TMEM161B: variants seen among roughly 807,000 people sequenced by gnomAD.
TMEM161B encodes transmembrane protein 161B.
A neutral mutation model predicts 61.8 loss-of-function variants in TMEM161B; 34 were observed. That is an observed-to-expected ratio of 0.55 (90% CI 0.42 to 0.73). The LOEUF (loss-of-function observed/expected upper bound fraction) is 0.73, where lower values mean the gene tolerates loss of function less well. Ranked by LOEUF, TMEM161B falls within the 30% of genes least tolerant of loss-of-function variation. TMEM161B has a pLI of 0.00. For synonymous variants in TMEM161B, 167 were observed against 192.8 expected (o/e 0.87, Z 1.11); for missense variants, 456 against 558.5 (o/e 0.82, Z 1.85).
chr5:88,209,599 C>T (rs760164800), intron 5 of TMEM161B, among the ~76,000 whole-genome samples: 1 of 152,150 alleles, frequency 6.6e-6, no homozygotes, highest in Non-Finnish European at 1.5e-5. Flanking sequence ...CAGTCCCACA[C>T]CACAAATGCC....
chr5:88,196,326 A>G lies in TMEM161B; in HGVS notation c.1349T>C (p.Phe450Ser), dbSNP rs760296689. ...AAGTCCTCGAAAAAGAAGAGGAGTA[A>G]AAATATTTTTTAAGCTGCTCAGTGC... ...TVALSSLKNIFTPLLFRGLLS... is the reference protein window; with the variant it reads ...TVALSSLKNISTPLLFRGLLS... Residue 450 changes from phenylalanine (F) to serine (S), a missense_variant, in exon 12 of 12, where the codon TTT (phenylalanine) becomes TCT (serine). This residue lies in a region of TMEM161B where 367 missense variants were observed against 427.3 expected (regional missense o/e 0.86). Transcript: ENST00000296595. The G allele has an allele frequency of 1.9e-6, 3 of 1,613,442 alleles. No homozygotes were observed. The highest frequency in any genetic ancestry group is 1.7e-4 in the Middle Eastern group (1 of 6,058).
chr5:88,190,996 T>C (rs1428150222), downstream of TMEM161B, among the ~76,000 whole-genome samples: 2 of 152,198 alleles, frequency 1.3e-5, no homozygotes, highest in African/African-American at 2.4e-5. Context: ...TCCATTGTTA[T>C]TGTGAACTTT....
intron 5 of TMEM161B, among the ~76,000 whole-genome samples, chr5:88,208,345 G>C (rs921016969): frequency 1.6e-4 from 24 of 152,342 alleles, no homozygotes; most frequent in African/African-American, 5.8e-4. Flanking sequence ...AGCTGGGCAT[G>C]GGGGCGGGCG....
chr5:88,204,014 G>A (rs1489341597), intron 8 of TMEM161B, among the ~76,000 whole-genome samples: 4 of 151,538 alleles, frequency 2.6e-5, no homozygotes, highest in African/African-American at 9.7e-5. Flanking sequence ...CCACACTTAA[G>A]AGCTAAACTG....
chr5:88,197,540 A>G (rs1195375330), intron 11 of TMEM161B, 129 bp downstream of exon 11: 19 of 794,196 alleles, frequency 2.4e-5, no homozygotes, highest in East Asian at 1.3e-4. Context: ...AAACTTTCCC[A>G]TGGTTCTTTT....
Position 88,198,992 on chromosome 5 carries a change from A to C in TMEM161B, c.1073T>G (p.Val358Gly). Residue 358 changes from valine to glycine, a missense_variant, in exon 10 of 12, where the codon GTT (valine) becomes GGT (glycine). By Grantham distance (109) the Val-to-Gly change is moderately radical (BLOSUM62 -3). Around this residue, in one of 3 missense-constraint regions of TMEM161B, gnomAD observed 367 missense variants for 427.3 expected, o/e 0.86. Transcript: ENST00000296595. ...MKKEAGRIST[V>G]ELQKMVARVF... ...AAAACTTACCATTTTCTGTAGCTCA[A>C]CCGTGCTTATTCGCCCCGCTTCTTT... 1 of 1,612,658 alleles carries C rather than the reference A, an allele frequency of 6.2e-7. No homozygotes were observed. The highest frequency in any genetic ancestry group is 8.5e-7 in the Non-Finnish European group (1 of 1,179,276).
intron 3 of TMEM161B, among the ~76,000 whole-genome samples, 171 bp from the exon 4 acceptor site, chr5:88,226,037 C>A (rs1240776207): frequency 6.6e-6 from 1 of 152,094 alleles, no homozygotes; most frequent in Non-Finnish European, 1.5e-5. Flanking sequence ...TAAAGGGGTA[C>A]TATAAAATCT....
chr5:88,197,209 A>G (rs1273212790), intron 11 of TMEM161B, among the ~76,000 whole-genome samples: 1 of 152,204 alleles, frequency 6.6e-6, no homozygotes, highest in East Asian at 1.9e-4. Context: ...TTGATAGCTT[A>G]GTGAAGAGAC....
chr5:88,189,827 A>G, exon 13 of TMEM161B: 2 of 520,238 alleles, frequency 3.8e-6, no homozygotes, highest in South Asian at 2.4e-5. Flanking sequence ...CCATAGGGAG[A>G]GCCTGTATCC....
At chr5:88,218,264 T>G (rs1298387122) in intron 5 of TMEM161B, among the ~76,000 whole-genome samples, 1 of 152,024 alleles carries the variant, frequency 6.6e-6, no homozygotes. Flanking sequence ...AATAAAATAA[T>G]TCAGATGAGA....
At chr5:88,211,419 A>G (rs1322468959) in intron 5 of TMEM161B, among the ~76,000 whole-genome samples, 5 of 151,562 alleles carry the variant, frequency 3.3e-5, no homozygotes, top group African/African-American at 1.2e-4. Flanking sequence ...AAAATAAGAA[A>G]AAAAAAAGTC....
intron 1 of TMEM161B, among the ~76,000 whole-genome samples, chr5:88,253,535 G>A (rs1337468969): frequency 3.3e-5 from 5 of 152,132 alleles, no homozygotes; most frequent in African/African-American, 1.2e-4. Context: ...GAGAACAAAT[G>A]GCACAATCCA....
intron 1 of TMEM161B, chr5:88,250,609 C>T (rs1225870942): frequency 6.6e-6 from 1 of 152,150 alleles, no homozygotes; most frequent in Non-Finnish European, 1.5e-5. Flanking sequence ...CCAACCAGAA[C>T]AGGAGAAGGA....
intron 2 of TMEM161B, among the ~76,000 whole-genome samples, chr5:88,235,618 T>C (rs2112623594): frequency 6.6e-6 from 1 of 152,318 alleles, no homozygotes; most frequent in Non-Finnish European, 1.5e-5. Flanking sequence ...TACCAGAACC[T>C]GACCATACTA....
intron 4 of TMEM161B, among the ~76,000 whole-genome samples, chr5:88,225,452 T>C (rs1167470036): frequency 1.3e-5 from 2 of 152,046 alleles, no homozygotes; most frequent in Non-Finnish European, 2.9e-5. Context: ...CAAGCCACAT[T>C]AGAAAAGGGC....
rs200306556 is a variant in TMEM161B, at chr5:88,203,064, T to C, written c.812A>G (p.His271Arg). ...ATEKITQTLL[H>R]INFLAPLFMV... is the part of the protein sequence containing the mutation. ...AAATAAAGGTGCCAAGAAGTTGATA[T>C]GAAGTAAAGTTCTGAAAGTACGTAA... The change falls in exon 9 of 12, where the codon CAT (histidine) becomes CGT (arginine). Residue 271 changes from histidine to arginine, a missense_variant. By Grantham distance (29) the His-to-Arg change is conservative. This residue lies in a region of TMEM161B where 367 missense variants were observed against 427.3 expected (regional missense o/e 0.86). Coordinates refer to ENST00000296595, the MANE Select transcript of TMEM161B (RefSeq NM_153354.5). The C allele has an allele frequency of 2.5e-6, 4 of 1,586,182 alleles. No individual in the cohort carries two copies. Among genetic ancestry groups the C allele is most frequent in the Non-Finnish European group, 3.5e-6 (4 of 1,155,372 alleles).
intron 2 of TMEM161B, among the ~76,000 whole-genome samples, chr5:88,233,920 C>A (rs1293743109): frequency 1.3e-5 from 2 of 151,748 alleles, no homozygotes; most frequent in Admixed American, 1.3e-4. Flanking sequence ...ATTAATAAAA[C>A]CAACTAAAAA....
Position 88,196,309 on chromosome 5 carries a change from G to A in TMEM161B, c.1366C>T (p.Arg456Ter), listed in dbSNP as rs766952760. ...CAGGTCAGAAAAGACAGAAGTCCTC[G>A]AAAAAGAAGAGGAGTAAAAATATTT... ...LKNIFTPLLF[R>*]GLLSFLTWWI... The change falls in exon 12 of 12, where the codon CGA (arginine) becomes TGA (stop). Residue 456 changes from arginine (R) to a stop codon, truncating the protein, a stop_gained. Transcript: ENST00000296595. LOFTEE classifies it high-confidence loss of function. 2.0e-5 allele frequency: 33 copies of A among 1,613,140 alleles called. No homozygotes were observed. The highest frequency in any genetic ancestry group is 1.2e-4 in the Admixed American group (7 of 59,876).
At chr5:88,266,467 C>T (rs1314851933) in intron 1 of TMEM161B, among the ~76,000 whole-genome samples, 1 of 152,130 alleles carries the variant, frequency 6.6e-6, no homozygotes, top group African/African-American at 2.4e-5. Context: ...ATGTAACTAT[C>T]CTCAAAAATG....
Sources: allele counts gnomAD v4.1 joint callset (sites outside exome capture counted in the v4.1 genomes callset), GRCh38; gene constraint gnomAD v4.1.1; regional missense constraint gnomAD v4.1.1; transcripts MANE v1.5; gene names NCBI Gene and HGNC (gene_info 2026-07-23, HGNC 2026-07-21).